DLG5: variants seen among roughly 807,000 people sequenced by gnomAD.
The protein encoded by DLG5 is disks large homolog 5.
In DLG5, 48 loss-of-function variants were observed where a neutral mutation model predicts 189.8. That is an observed-to-expected ratio of 0.25 (90% CI 0.20 to 0.32). The LOEUF (loss-of-function observed/expected upper bound fraction) is 0.32, where lower values mean the gene tolerates loss of function less well. DLG5 is among the 10% of genes least tolerant of loss of function. DLG5 has a pLI of 1.00. For missense variants in DLG5, 2,160 were observed against 2,544.7 expected, an observed-to-expected ratio of 0.85 and a Z score of 3.25; for synonymous variants, 1,016 against 1,054.1, an observed-to-expected ratio of 0.96 and a Z score of 0.70.
At chr10:77,874,964 T>C (rs149118023) in intron 1 of DLG5, among the ~76,000 whole-genome samples, 1 of 152,350 alleles carries the variant, frequency 6.6e-6, no homozygotes, top group East Asian at 1.9e-4. Context: ...TAGCAGCTAA[T>C]AGGTACTAAG....
intron 1 of DLG5, among the ~76,000 whole-genome samples, chr10:77,884,301 C>G (rs17439906): frequency 0.035 from 5,304 of 152,262 alleles, 143 homozygotes; most frequent in Non-Finnish European, 0.047. Context: ...GGCCCTGTTT[C>G]TCCATCTGAG....
chr10:77,856,623 G>A lies in DLG5; in HGVS notation c.536+107C>T, dbSNP rs150796043. 3.7e-4 allele frequency: 531 copies of A among 1,422,506 alleles called. No homozygotes were observed. The African/African-American group carries it at 4.1e-3, about 11-fold the overall frequency. 88.1% of individuals were successfully genotyped at this position (1,422,506 alleles called of 1,614,324 possible). On this transcript the variant is annotated intron_variant, in intron 3 of 31. Coordinates refer to ENST00000372391, the MANE Select transcript of DLG5 (RefSeq NM_004747.4). ...GGGGGAAAGGGGACACTCAGGCAGC[G>A]CAGCCTGGACCCCCAGGAGCCAGGG...
intron 11 of DLG5, among the ~76,000 whole-genome samples, 167 bp downstream of exon 11, chr10:77,830,050 T>C (rs1386323091): frequency 6.6e-6 from 1 of 152,200 alleles, no homozygotes; most frequent in Non-Finnish European, 1.5e-5. Flanking sequence ...AGAAGCACTG[T>C]TTCTTTCGGA....
chr10:77,922,787 C>T (rs868418887), intron 1 of DLG5, among the ~76,000 whole-genome samples: 3 of 152,150 alleles, frequency 2.0e-5, no homozygotes, highest in Admixed American at 6.5e-5. Flanking sequence ...CTATCAATAC[C>T]GGAATAAGAG....
intron 30 of DLG5, among the ~76,000 whole-genome samples, chr10:77,794,343 C>T (rs1840797272): frequency 6.6e-6 from 1 of 152,248 alleles, no homozygotes; most frequent in African/African-American, 2.4e-5. Context: ...AACAGATGCA[C>T]CAGCAGCCCC....
chr10:77,826,566 C>T (rs7918982), intron 13 of DLG5, among the ~76,000 whole-genome samples: 38,935 of 152,080 alleles, frequency 0.26, 5,537 homozygotes, highest in Admixed American at 0.39. Flanking sequence ...GAGGCAGAGG[C>T]TGCAGTGAGC....
intron 1 of DLG5, among the ~76,000 whole-genome samples, chr10:77,923,576 TG>T (rs2131877611): frequency 6.6e-6 from 1 of 152,160 alleles, no homozygotes; most frequent in Admixed American, 6.5e-5. Flanking sequence ...CTAGACAACA[TG>T]GAGAAATGCC....
At chr10:77,882,009 C>T (rs749051116) in intron 1 of DLG5, among the ~76,000 whole-genome samples, 3 of 152,262 alleles carry the variant, frequency 2.0e-5, no homozygotes, top group Non-Finnish European at 2.9e-5. Context: ...GTCATCTACA[C>T]TGCCCTCCTC....
At chr10:77,825,915 T>C (rs528964361) in intron 13 of DLG5, among the ~76,000 whole-genome samples, 2 of 152,316 alleles carry the variant, frequency 1.3e-5, no homozygotes, top group Non-Finnish European at 2.9e-5. Flanking sequence ...GTAAATTAAT[T>C]TGTGGTTTTT....
Position 77,830,869 on chromosome 10 carries a change from G to C in DLG5, c.1753C>G (p.Gln585Glu). The change falls in exon 10 of 32, where the codon CAG (glutamine) becomes GAG (glutamate). Residue 585 changes from glutamine (Q) to glutamate (E), a missense_variant. Physicochemically the swap from Gln to Glu is conservative, Grantham distance 29. Around this residue, in one of 5 missense-constraint regions of DLG5, gnomAD observed 664 missense variants for 838.5 expected, o/e 0.79. Coordinates refer to ENST00000372391, the MANE Select transcript of DLG5 (RefSeq NM_004747.4). ...TCCTTTTCCAACTGGGATTCCATCT[G>C]TTCCCTGTGAACAGAGAGAGCCACG... ...VSRELKELKEQMESQLEKEAR... is the reference protein window; with the variant it reads ...VSRELKELKEEMESQLEKEAR... 6.2e-7 allele frequency: 1 copy of C among 1,613,980 alleles called. No homozygotes were observed. Among genetic ancestry groups the C allele is most frequent in the Non-Finnish European group, 8.5e-7 (1 of 1,179,974 alleles).
At chr10:77,817,393 C>T (rs1842113050) in intron 18 of DLG5, among the ~76,000 whole-genome samples, 2 of 152,298 alleles carry the variant, frequency 1.3e-5, no homozygotes, top group South Asian at 4.1e-4. Flanking sequence ...CGCCAGAGTT[C>T]CCCAAGATCT....
intron 1 of DLG5, among the ~76,000 whole-genome samples, chr10:77,915,368 T>C (rs1490030441): frequency 6.6e-6 from 1 of 151,978 alleles, no homozygotes; most frequent in Non-Finnish European, 1.5e-5. Flanking sequence ...TTTGGTACTC[T>C]GAATGAGAGG....
At chr10:77,903,630 CA>C (rs574454210) in intron 1 of DLG5, among the ~76,000 whole-genome samples, 10,717 of 58,758 alleles carry the variant, frequency 0.18, 1,118 homozygotes, top group African/African-American at 0.4. Flanking sequence ...AACTCCATCT[CA>C]AAAAAAAAAA....
At chr10:77,910,343 T>C (rs1314602575) in intron 1 of DLG5, among the ~76,000 whole-genome samples, 3 of 152,214 alleles carry the variant, frequency 2.0e-5, no homozygotes, top group African/African-American at 7.2e-5. Context: ...TGGCCGAGTG[T>C]GCCCATCTGT....
chr10:77,908,371 C>T (rs1846125879), intron 1 of DLG5, among the ~76,000 whole-genome samples: 1 of 152,156 alleles, frequency 6.6e-6, no homozygotes, highest in Non-Finnish European at 1.5e-5. Flanking sequence ...ACCGGGTCCT[C>T]CTTCACACAT....
At chr10:77,852,336 A>G (rs531501396) in intron 5 of DLG5, among the ~76,000 whole-genome samples, 1 of 152,032 alleles carries the variant, frequency 6.6e-6, no homozygotes, top group Middle Eastern at 3.2e-3. Flanking sequence ...ACACTACTGC[A>G]CTCCAGCCTG....
chr10:77,910,915 T>C (rs1287518989), intron 1 of DLG5, among the ~76,000 whole-genome samples: 2 of 144,050 alleles, frequency 1.4e-5, no homozygotes, highest in Non-Finnish European at 3.0e-5. Flanking sequence ...GAGGTTGCAG[T>C]GAGCTGAGAC....
At chr10:77,828,639 A>C (rs915264893) in intron 13 of DLG5, among the ~76,000 whole-genome samples, 6 of 152,068 alleles carry the variant, frequency 3.9e-5, no homozygotes, top group Non-Finnish European at 7.4e-5. Flanking sequence ...AGAGATAGAG[A>C]AAGGTTATCT....
At chr10:77,882,039 T>C (rs991206060) in intron 1 of DLG5, among the ~76,000 whole-genome samples, 2 of 152,232 alleles carry the variant, frequency 1.3e-5, no homozygotes, top group African/African-American at 2.4e-5. Context: ...GTGGGCTGCA[T>C]TGAGAATCAC....
Sources: allele counts gnomAD v4.1 joint callset (sites outside exome capture counted in the v4.1 genomes callset), GRCh38; gene constraint gnomAD v4.1.1; regional missense constraint gnomAD v4.1.1; transcripts MANE v1.5; gene names NCBI Gene and HGNC (gene_info 2026-07-23, HGNC 2026-07-21).